GABPA: variants seen among roughly 807,000 people sequenced by gnomAD.
The protein encoded by GABPA is GA-binding protein alpha chain.
GABPA carries 4 observed loss-of-function variants against 59.4 expected under a neutral mutation model. The ratio of observed to expected loss-of-function variants is 0.07; its 90% CI spans 0.03 to 0.15. The LOEUF is 0.15. Among genes scored for constraint, GABPA ranks in the 10% least tolerant of loss-of-function variants. GABPA has a pLI of 1.00. For missense variants in GABPA, 251 were observed against 543.8 expected (o/e 0.46, Z 5.36); for synonymous variants, 164 against 183.1 (o/e 0.90, Z 0.84).
intron 7 of GABPA, 62 bp downstream of exon 7, chr21:25,762,427 G>A (rs1172539782): frequency 8.3e-7 from 1 of 1,206,708 alleles, no homozygotes; most frequent in African/African-American, 1.6e-5. Flanking sequence ...GATACCGCAA[G>A]GTAATAAAAA....
chr21:25,740,669 G>C (rs2035197112), intron 1 of GABPA, among the ~76,000 whole-genome samples: 1 of 152,172 alleles, frequency 6.6e-6, no homozygotes, highest in African/African-American at 2.4e-5. Flanking sequence ...AACTGAAGTA[G>C]TGGTCTGTTT....
At chr21:25,753,330 A>C (rs1197158640) in intron 5 of GABPA, among the ~76,000 whole-genome samples, 1 of 152,250 alleles carries the variant, frequency 6.6e-6, no homozygotes, top group Non-Finnish European at 1.5e-5. Flanking sequence ...CAAAGATGTT[A>C]TATGAGACTC....
chr21:25,749,317 T>C (rs1302283560), intron 4 of GABPA, among the ~76,000 whole-genome samples, 197 bp downstream of exon 4: 5 of 152,174 alleles, frequency 3.3e-5, no homozygotes, highest in African/African-American at 7.2e-5. Flanking sequence ...AGTTCAATCA[T>C]AAAAGGATAT....
chr21:25,742,460 G>A (rs1325672756), intron 2 of GABPA, among the ~76,000 whole-genome samples: 1 of 152,194 alleles, frequency 6.6e-6, no homozygotes, highest in Non-Finnish European at 1.5e-5. Context: ...ACTGAGTATT[G>A]AGAGTACAGT....
intron 5 of GABPA, among the ~76,000 whole-genome samples, chr21:25,757,451 TAGTG>T (rs1185093258): frequency 6.7e-6 from 1 of 148,348 alleles, no homozygotes; most frequent in Non-Finnish European, 1.5e-5. Context: ...TTGTATTTCT[TAGTG>T]TGTTGTGAGG....
At chr21:25,744,042 C>CAAA (rs1182340915) in intron 2 of GABPA, among the ~76,000 whole-genome samples, 829 of 71,568 alleles carry the variant, frequency 0.012, 30 homozygotes, top group African/African-American at 0.041. Flanking sequence ...GACTCTGTCT[C>CAAA]AAAAAAAAAA....
intron 8 of GABPA, 78 bp downstream of exon 8, chr21:25,764,428 A>G (rs1358612405): frequency 6.8e-7 from 1 of 1,468,342 alleles, no homozygotes; most frequent in African/African-American, 1.4e-5. Flanking sequence ...CTGTATGAAA[A>G]ATGTGAATTT....
At chr21:25,736,852 C>G (rs971720711) in intron 1 of GABPA, among the ~76,000 whole-genome samples, 1 of 152,186 alleles carries the variant, frequency 6.6e-6, no homozygotes, top group African/African-American at 2.4e-5. Flanking sequence ...TTAACTGCTA[C>G]CTTTATTTTT....
At chr21:25,745,896 G>A (rs945238001) in intron 3 of GABPA, among the ~76,000 whole-genome samples, 7 of 152,124 alleles carry the variant, frequency 4.6e-5, no homozygotes, top group African/African-American at 1.7e-4. Flanking sequence ...TTTACAGTAT[G>A]TTTTAAAGAT....
chr21:25,741,653 A>G lies in GABPA; in HGVS notation c.55A>G (p.Lys19Glu). The G allele has an allele frequency of 2.5e-6, 4 of 1,612,310 alleles. No individual in the cohort carries two copies. Among genetic ancestry groups the G allele is most frequent in the Non-Finnish European group, 2.5e-6 (3 of 1,178,752 alleles). ...AGAAATTGAGATTGATGGAACAGAGAAAGCAGAGTGCACAGAAGAAAGGTT... is the reference window on the plus strand; with the variant it reads ...AGAAATTGAGATTGATGGAACAGAGGAAGCAGAGTGCACAGAAGAAAGGTT... Reference protein sequence around the residue: ...LIEIEIDGTEKAECTEESIVE... With the variant: ...LIEIEIDGTEEAECTEESIVE... Residue 19 changes from lysine to glutamate, a missense_variant, in exon 2 of 10, where the codon AAA becomes GAA. This residue lies in a region of GABPA where 207 missense variants were observed against 366.7 expected (regional missense o/e 0.56). Coordinates refer to ENST00000400075, the MANE Select transcript of GABPA (RefSeq NM_002040.4).
intron 5 of GABPA, among the ~76,000 whole-genome samples, chr21:25,755,755 C>T (rs1174192885): frequency 6.6e-6 from 1 of 152,122 alleles, no homozygotes; most frequent in Admixed American, 6.5e-5. Context: ...AACTGGCCCC[C>T]CAAATGAAAG....
At chr21:25,764,033 C>G (rs1601151433) in intron 7 of GABPA, among the ~76,000 whole-genome samples, 177 bp from the exon 8 acceptor site, 1 of 152,228 alleles carries the variant, frequency 6.6e-6, no homozygotes, top group South Asian at 2.1e-4. Flanking sequence ...TTATACTTTA[C>G]CATCTGAACT....
intron 9 of GABPA, among the ~76,000 whole-genome samples, 154 bp downstream of exon 9, chr21:25,764,941 T>A (rs2035854843): frequency 6.6e-6 from 1 of 150,520 alleles, no homozygotes; most frequent in Non-Finnish European, 1.5e-5. Context: ...TTTAAAAAGA[T>A]CTTAATAATT....
intron 5 of GABPA, among the ~76,000 whole-genome samples, chr21:25,754,211 A>G (rs188586875): frequency 1.3e-5 from 2 of 152,340 alleles, no homozygotes; most frequent in African/African-American, 4.8e-5. Flanking sequence ...GTTAAAATAA[A>G]TTCATTATTA....
intron 3 of GABPA, among the ~76,000 whole-genome samples, chr21:25,745,634 A>G (rs1246662663): frequency 1.3e-5 from 2 of 152,248 alleles, no homozygotes; most frequent in Non-Finnish European, 2.9e-5. Context: ...TCAAAGCTTA[A>G]ATATAAGTAG....
Position 25,766,293 on chromosome 21 carries a change from C to T in GABPA, c.1136+1506C>T, listed in dbSNP as rs570570442. 6.2e-4 allele frequency among the ~76,000 whole-genome samples: 94 copies of T among 152,000 alleles called. 1 individual carries two copies. The highest frequency in any genetic ancestry group is 2.1e-3 in the African/African-American group (87 of 41,502). The stretch of plus-strand genomic sequence containing the variant: ...AATCAATTCCATGTAGCTTGTAGCT[C>T]TACATGTAAAAAGTAAAATAGAAAA... On this transcript the variant is annotated intron_variant, in intron 9 of 9. Transcript: ENST00000400075.
At chr21:25,751,848 TC>T in intron 4 of GABPA, 140 bp from the exon 5 acceptor site, 1 of 764,848 alleles carries the variant, frequency 1.3e-6, no homozygotes, top group Non-Finnish European at 2.1e-6. Context: ...TCACCCAGAT[TC>T]CCCAAATGTT....
intron 5 of GABPA, among the ~76,000 whole-genome samples, chr21:25,756,951 CT>C (rs2035651213): frequency 6.6e-6 from 1 of 152,128 alleles, no homozygotes; most frequent in African/African-American, 2.4e-5. Flanking sequence ...AGAATGCTTG[CT>C]TTTGCCTTTT....
Position 25,735,049 on chromosome 21 carries a change from A to C in GABPA, c.-556A>C, listed in dbSNP as rs986955749. 5.4e-5 allele frequency: 71 copies of C among 1,315,120 alleles called. No homozygotes were observed. In the African/African-American group the frequency reaches 8.5e-4, roughly 16 times the overall value. The allele number at this position is 1,315,120 out of a possible 1,614,324, so 81.5% of individuals were successfully genotyped here. A position where few individuals can be genotyped will look rare whatever the true frequency, so the allele number is the denominator to read the frequency against. Reference sequence around the variant, plus strand: ...GACGGGTCTAGGTGAGACAGAAGCCAAACAGGAGGAGGAAGTGGAGGGTAA... The same window carrying C: ...GACGGGTCTAGGTGAGACAGAAGCCCAACAGGAGGAGGAAGTGGAGGGTAA... On this transcript the variant is annotated 5_prime_UTR_variant, in exon 1 of 10. Transcript: ENST00000400075.
Sources: gnomAD v4.1 joint callset for allele counts (sites outside exome capture counted in the v4.1 genomes callset) on GRCh38, gnomAD v4.1.1 for gene constraint, gnomAD v4.1.1 regional missense constraint, MANE v1.5 for transcripts, NCBI Gene and HGNC (gene_info 2026-07-23, HGNC 2026-07-21) for gene names.